Variants in GRM1 observed in about 807,000 individuals in gnomAD.
GRM1 encodes metabotropic glutamate receptor 1.
A neutral mutation model predicts 90.9 loss-of-function variants in GRM1; 33 were observed. The ratio of observed to expected loss-of-function variants is 0.36; its 90% CI spans 0.28 to 0.49. GRM1 has a LOEUF of 0.49. Ranked by LOEUF, GRM1 falls within the 20% of genes least tolerant of loss-of-function variation. GRM1 has a pLI of 0.99. For missense variants in GRM1, 1,190 were observed against 1,534.3 expected (o/e 0.78, Z 3.75); for synonymous variants, 700 against 613.2 (o/e 1.14, Z -2.09).
At chr6:146,152,532 A>G (rs939375415) in intron 1 of GRM1, among the ~76,000 whole-genome samples, 8 of 152,082 alleles carry the variant, frequency 5.3e-5, no homozygotes, top group African/African-American at 1.4e-4. Context: ...AGAACTTCCA[A>G]TTAAGATCCT....
intron 1 of GRM1, among the ~76,000 whole-genome samples, chr6:146,034,673 G>C (rs1316803422): frequency 6.6e-6 from 1 of 151,804 alleles, no homozygotes; most frequent in Non-Finnish European, 1.5e-5. Flanking sequence ...ATAAGATAAG[G>C]GTCGAAAGTA....
chr6:146,339,829 A>G (rs559900876), intron 3 of GRM1, among the ~76,000 whole-genome samples: 1 of 152,328 alleles, frequency 6.6e-6, no homozygotes, highest in South Asian at 2.1e-4. Flanking sequence ...CCTTTCCCTT[A>G]ACATCATAAG....
chr6:146,369,367 T>G (rs1775815032), intron 5 of GRM1, among the ~76,000 whole-genome samples: 1 of 151,852 alleles, frequency 6.6e-6, no homozygotes, highest in African/African-American at 2.4e-5. Context: ...TAATTGGGGG[T>G]TTGGTTTGCT....
chr6:146,349,045 T>TATTATTATC (rs1785283024), intron 3 of GRM1, among the ~76,000 whole-genome samples: 1 of 7,752 alleles, frequency 1.3e-4, no homozygotes, highest in African/African-American at 5.6e-4. Flanking sequence ...AAGTGGTAGC[T>TATTATTATC]ATTATTATTA....
chr6:146,279,939 C>T (rs1296846474), intron 2 of GRM1, among the ~76,000 whole-genome samples: 1 of 151,930 alleles, frequency 6.6e-6, no homozygotes, highest in African/African-American at 2.4e-5. Flanking sequence ...TTCTCTTTTA[C>T]TTTGGTTTTC....
chr6:146,190,071 T>G (rs1370819916), intron 2 of GRM1, among the ~76,000 whole-genome samples: 1 of 152,170 alleles, frequency 6.6e-6, no homozygotes, highest in East Asian at 1.9e-4. Flanking sequence ...GAACAGAATC[T>G]GTGACCTTGG....
intron 7 of GRM1, among the ~76,000 whole-genome samples, chr6:146,408,850 TA>T (rs1315918313): frequency 6.6e-6 from 1 of 152,104 alleles, no homozygotes; most frequent in Non-Finnish European, 1.5e-5. Flanking sequence ...GTGTCCAGTG[TA>T]AAGTGTTATC....
chr6:146,090,396 CTG>C (rs1776675845), intron 1 of GRM1, among the ~76,000 whole-genome samples: 1 of 152,116 alleles, frequency 6.6e-6, no homozygotes, highest in Non-Finnish European at 1.5e-5. Context: ...TAGTAGGACT[CTG>C]TGGACTGTAA....
chr6:146,435,322 T>TGATGGGAC lies in GRM1; in HGVS notation c.*527_*534dup, dbSNP rs1390684884. 9.7e-6 allele frequency: 2 copies of TGATGGGAC among 205,930 alleles called. No homozygotes were observed. The highest frequency in any genetic ancestry group is 9.9e-6 in the Non-Finnish European group (1 of 101,182). The allele number at this position is 205,930 out of a possible 1,614,324, so 12.8% of individuals were successfully genotyped here. A position where few individuals can be genotyped will look rare whatever the true frequency, so the allele number is the denominator to read the frequency against. ...GACCCATCCCAAACGGATGATGGGA[T>TGATGGGAC]GATGGGACAGCAGCTCCTTGCTCAG... On this transcript the variant is annotated 3_prime_UTR_variant, in exon 8 of 8. Transcript: ENST00000282753.
chr6:146,167,160 G>A (rs1398592092), intron 2 of GRM1, among the ~76,000 whole-genome samples: 1 of 152,088 alleles, frequency 6.6e-6, no homozygotes, highest in African/African-American at 2.4e-5. Flanking sequence ...TCTTGTGTCT[G>A]ATTTCTTTCA....
At chr6:146,270,986 C>T (rs1782138116) in intron 2 of GRM1, among the ~76,000 whole-genome samples, 1 of 131,428 alleles carries the variant, frequency 7.6e-6, no homozygotes, top group East Asian at 2.1e-4. Flanking sequence ...CTCTCTCTCT[C>T]TTTCTTTCCT....
intron 1 of GRM1, among the ~76,000 whole-genome samples, chr6:146,085,087 G>C (rs1776494744): frequency 6.6e-6 from 1 of 152,052 alleles, no homozygotes; most frequent in African/African-American, 2.4e-5. Context: ...CTATAAGAAA[G>C]TATAAGTGCA....
intron 3 of GRM1, among the ~76,000 whole-genome samples, chr6:146,345,509 T>C (rs1161522949): frequency 6.6e-6 from 1 of 152,212 alleles, no homozygotes. Flanking sequence ...AACTCTTGTA[T>C]TTCACTCTGT....
chr6:146,064,433 C>T (rs188137505), intron 1 of GRM1, among the ~76,000 whole-genome samples: 1 of 151,900 alleles, frequency 6.6e-6, no homozygotes, highest in Non-Finnish European at 1.5e-5. Flanking sequence ...AATACTAAAC[C>T]CTGCAATTCT....
At chr6:146,430,498 T>A (rs1307088497) in intron 7 of GRM1, among the ~76,000 whole-genome samples, 1 of 152,220 alleles carries the variant, frequency 6.6e-6, no homozygotes, top group Non-Finnish European at 1.5e-5. Flanking sequence ...TGTGGTGTTT[T>A]CTAAACCAGA....
chr6:146,131,165 AAGAAGAC>A, intron 1 of GRM1, among the ~76,000 whole-genome samples: 1 of 152,346 alleles, frequency 6.6e-6, no homozygotes, highest in Admixed American at 6.5e-5. Context: ...CCTAGGCACT[AAGAAGAC>A]AGCACACATT....
intron 2 of GRM1, among the ~76,000 whole-genome samples, chr6:146,170,954 G>A (rs1206045844): frequency 1.3e-5 from 2 of 151,888 alleles, no homozygotes; most frequent in East Asian, 1.9e-4. Context: ...TATATTTTTT[G>A]TCTTGGGTAG....
chr6:146,270,018 A>G (rs1183531715), intron 2 of GRM1, among the ~76,000 whole-genome samples: 1 of 152,054 alleles, frequency 6.6e-6, no homozygotes, highest in Non-Finnish European at 1.5e-5. Flanking sequence ...ATTCAGACAC[A>G]AAATGATGCT....
chr6:146,387,577 A>G (rs1211277348), intron 6 of GRM1, among the ~76,000 whole-genome samples: 1 of 152,144 alleles, frequency 6.6e-6, no homozygotes, highest in Non-Finnish European at 1.5e-5. Flanking sequence ...TATAAAGTGC[A>G]TAAAGTTTGT....
Sources: allele counts gnomAD v4.1 joint callset (sites outside exome capture counted in the v4.1 genomes callset), GRCh38; gene constraint gnomAD v4.1.1; transcripts MANE v1.5; gene names NCBI Gene and HGNC (gene_info 2026-07-23, HGNC 2026-07-21).